Variants in COL26A1 observed in about 807,000 individuals in gnomAD.
COL26A1 encodes collagen type XXVI alpha 1 chain.
In COL26A1, 41 loss-of-function variants were observed where a neutral mutation model predicts 59.3. That is an observed-to-expected ratio of 0.69 (90% CI 0.54 to 0.90). The LOEUF is 0.90. COL26A1 is among the 40% of genes least tolerant of loss of function. The probability of loss-of-function intolerance (pLI) is 0.00; values close to 1 mark genes in which losing one functional copy is unlikely to be tolerated. For synonymous variants in COL26A1, 266 were observed against 256.0 expected (o/e 1.04, Z -0.37); for missense variants, 612 against 602.3 (o/e 1.02, Z -0.17).
Position 101,482,032 on chromosome 7 carries a change from T to C in COL26A1, c.385+34245T>C, listed in dbSNP as rs77710473. 2.0e-3 allele frequency among the ~76,000 whole-genome samples: 299 copies of C among 151,872 alleles called. 1 individual carries two copies. Among genetic ancestry groups the C allele is most frequent in the African/African-American group, 7.0e-3 (290 of 41,400 alleles). ...GTACTCTTTTTCCTTTTTTTTTTTT[T>C]CCTAGACCAAGTCTCACTCTGTCAC... On this transcript the variant is annotated intron_variant, in intron 3 of 12. Transcript: ENST00000313669.
intron 2 of COL26A1, among the ~76,000 whole-genome samples, chr7:101,436,115 C>T (rs1792908202): frequency 1.3e-5 from 2 of 152,152 alleles, no homozygotes; most frequent in South Asian, 2.1e-4. Flanking sequence ...TGCACCACCC[C>T]GCACCGCCCC....
At chr7:101,419,845 G>T (rs1584391640) in intron 1 of COL26A1, 132 bp from the exon 2 acceptor site, 1 of 855,566 alleles carries the variant, frequency 1.2e-6, no homozygotes. Flanking sequence ...GTCTCAGTGG[G>T]CCCCCCATCC....
chr7:101,461,996 C>CTTTT (rs531100830), intron 3 of COL26A1, among the ~76,000 whole-genome samples: 2 of 117,922 alleles, frequency 1.7e-5, no homozygotes. Flanking sequence ...CCACGGAGCA[C>CTTTT]TTTTTTTTTT....
chr7:101,536,648 C>G (rs1034463396), intron 4 of COL26A1, among the ~76,000 whole-genome samples: 2 of 152,194 alleles, frequency 1.3e-5, no homozygotes, highest in African/African-American at 4.8e-5. Context: ...GGCTTCTGCT[C>G]CCTTAGACAA....
intron 1 of COL26A1, among the ~76,000 whole-genome samples, chr7:101,369,086 T>G (rs182176445): frequency 2.6e-5 from 4 of 152,110 alleles, no homozygotes; most frequent in Admixed American, 6.6e-5. Context: ...TTTTCCATCA[T>G]AACGTGTTGT....
rs148745440 is a variant in COL26A1 at position 101,389,860 on chromosome 7, G to A, written c.158+26670G>A. ...GAGCCACCGCGTCTGGCAATTTTTT[G>A]TATTTTAGTAGAGATGGGGTTTCAC... On this transcript the variant is annotated intron_variant, in intron 1 of 12. Transcript: ENST00000313669. 2.6e-3 allele frequency among the ~76,000 whole-genome samples: 389 copies of A among 152,052 alleles called. 3 individuals carry two copies. The highest frequency in any genetic ancestry group is 8.8e-3 in the African/African-American group (365 of 41,508).
At chr7:101,374,035 T>C (rs1050069325) in intron 1 of COL26A1, among the ~76,000 whole-genome samples, 5 of 152,140 alleles carry the variant, frequency 3.3e-5, no homozygotes, top group Admixed American at 2.6e-4. Flanking sequence ...AATAACTAAC[T>C]GTTAGAGGAT....
intron 3 of COL26A1, among the ~76,000 whole-genome samples, chr7:101,503,796 A>G (rs1794751918): frequency 2.6e-5 from 4 of 152,250 alleles, no homozygotes; most frequent in Admixed American, 2.0e-4. Context: ...AGTCACAGGC[A>G]CTGGTCAGGT....
At chr7:101,440,276 G>A (rs1235396608) in intron 2 of COL26A1, among the ~76,000 whole-genome samples, 1 of 139,730 alleles carries the variant, frequency 7.2e-6, no homozygotes, top group Non-Finnish European at 1.6e-5. Flanking sequence ...TGAGGCAGGA[G>A]AATCGCTTGA....
At chr7:101,508,694 A>C (rs1169555860) in intron 3 of COL26A1, among the ~76,000 whole-genome samples, 1 of 151,834 alleles carries the variant, frequency 6.6e-6, no homozygotes, top group Non-Finnish European at 1.5e-5. Flanking sequence ...CACTCACGAA[A>C]CCTGACCGTA....
chr7:101,411,390 G>C (rs1440900925), intron 1 of COL26A1, among the ~76,000 whole-genome samples: 1 of 152,046 alleles, frequency 6.6e-6, no homozygotes, highest in African/African-American at 2.4e-5. Flanking sequence ...GCTTGAGAGC[G>C]CGCCCTCTGG....
intron 3 of COL26A1, among the ~76,000 whole-genome samples, chr7:101,483,708 G>A (rs1794203213): frequency 6.9e-6 from 1 of 145,576 alleles, no homozygotes; most frequent in Non-Finnish European, 1.5e-5. Context: ...GTCTCTCATT[G>A]TCGCCCAGGC....
At chr7:101,484,973 T>C (rs1794237697) in intron 3 of COL26A1, among the ~76,000 whole-genome samples, 1 of 152,154 alleles carries the variant, frequency 6.6e-6, no homozygotes, top group Admixed American at 6.6e-5. Flanking sequence ...TGCCTCAGTC[T>C]CTGAAGTAGC....
At chr7:101,554,689 A>T (rs1795930320) in intron 11 of COL26A1, among the ~76,000 whole-genome samples, 1 of 151,958 alleles carries the variant, frequency 6.6e-6, no homozygotes, top group Non-Finnish European at 1.5e-5. Flanking sequence ...GGCTGCAGTG[A>T]ACTACAATCG....
rs114776486 is a variant in COL26A1 at position 101,467,468 on chromosome 7, C to T, written c.385+19681C>T. ...CCAGGTGTGACGTTTGCATAGTGTG[C>T]GAAGAAGCTGGCCATCCCACCCCAA... is the stretch of plus-strand genomic sequence containing the variant. On this transcript the variant is annotated intron_variant, in intron 3 of 12. Coordinates refer to ENST00000313669, the MANE Select transcript of COL26A1 (RefSeq NM_001278563.3). 1.4e-3 allele frequency among the ~76,000 whole-genome samples: 215 copies of T among 151,548 alleles called. 3 individuals are homozygous for T. Among genetic ancestry groups the T allele is most frequent in the African/African-American group, 4.9e-3 (205 of 41,480 alleles).
intron 1 of COL26A1, among the ~76,000 whole-genome samples, chr7:101,412,856 T>C (rs1792275363): frequency 6.6e-6 from 1 of 152,082 alleles, no homozygotes; most frequent in African/African-American, 2.4e-5. Flanking sequence ...CCTCCCTGGC[T>C]AAGCCTCAAT....
At chr7:101,535,612 C>T (rs1229958472) in intron 4 of COL26A1, among the ~76,000 whole-genome samples, 15 of 152,130 alleles carry the variant, frequency 9.9e-5, no homozygotes, top group Non-Finnish European at 2.2e-4. Flanking sequence ...GTCCTGTGAC[C>T]CTGAGTGAGA....
intron 3 of COL26A1, among the ~76,000 whole-genome samples, chr7:101,451,103 C>T (rs145845237): frequency 9.9e-5 from 10 of 101,126 alleles, no homozygotes; most frequent in African/African-American, 2.0e-4. Flanking sequence ...ATATATGATA[C>T]GTATTATATA....
intron 1 of COL26A1, among the ~76,000 whole-genome samples, chr7:101,417,451 C>T (rs1255989167): frequency 6.6e-6 from 1 of 150,380 alleles, no homozygotes; most frequent in Non-Finnish European, 1.5e-5. Context: ...GCACCCACTC[C>T]TGTGACCATA....
Sources: gnomAD v4.1 joint callset for allele counts (sites outside exome capture counted in the v4.1 genomes callset) on GRCh38, gnomAD v4.1.1 for gene constraint, MANE v1.5 for transcripts, NCBI Gene and HGNC (gene_info 2026-07-23, HGNC 2026-07-21) for gene names.